The following SH3PXD2A variants were observed in gnomAD, a reference collection of about 807,000 sequenced individuals.
SH3PXD2A encodes SH3 and PX domain-containing protein 2A.
In SH3PXD2A, 32 loss-of-function variants were observed where a neutral mutation model predicts 115.2. That is an observed-to-expected ratio of 0.28 (90% CI 0.21 to 0.37). The LOEUF is 0.37. Among genes scored for constraint, SH3PXD2A ranks in the 10% least tolerant of loss-of-function variants. The pLI is 1.00. For missense variants in SH3PXD2A, 1,328 were observed against 1,498.7 expected, an observed-to-expected ratio of 0.89 and a Z score of 1.88; for synonymous variants, 610 against 629.1, an observed-to-expected ratio of 0.97 and a Z score of 0.45.
chr10:103,728,885 G>GTTTTTTTTTTTTT (rs1170237835), intron 4 of SH3PXD2A, among the ~76,000 whole-genome samples: 3 of 99,144 alleles, frequency 3.0e-5, no homozygotes, highest in Non-Finnish European at 4.1e-5. Flanking sequence ...TGTTTTTTTT[G>GTTTTTTTTTTTTT]TTTGTTTGTT....
rs141021087 is a variant in SH3PXD2A at position 103,612,932 on chromosome 10, G to A, written c.1179C>T (p.Gly393=). Residue 393 remains glycine, a synonymous_variant, in exon 12 of 15, where the codon GGC becomes GGT. Coordinates refer to ENST00000369774, the MANE Select transcript of SH3PXD2A (RefSeq NM_001394015.1). ...GCCTGGAGACAGTCCTGTCAGGAAC[G>A]CCCACGGCACTGCCATTGGAGGCAT... ...LCNASNGSAV[G]VPDRTVSRLA... is the part of the protein sequence containing the mutation. The A allele has an allele frequency of 2.2e-5, 36 of 1,613,746 alleles. No individual in the cohort carries two copies. In the East Asian group the frequency reaches 3.8e-4, roughly 17 times the overall value.
intron 5 of SH3PXD2A, among the ~76,000 whole-genome samples, chr10:103,694,880 G>A (rs2037806019): frequency 6.6e-6 from 1 of 152,194 alleles, no homozygotes; most frequent in Non-Finnish European, 1.5e-5. Flanking sequence ...GTCAGTCCAG[G>A]GAAGGCCTTA....
intron 1 of SH3PXD2A, among the ~76,000 whole-genome samples, chr10:103,810,815 C>T (rs913534288): frequency 9.3e-5 from 13 of 140,474 alleles, no homozygotes; most frequent in African/African-American, 2.5e-4. Context: ...CACAGGGACA[C>T]AGACATACAC....
chr10:103,612,778 CT>C (rs1003429014), intron 12 of SH3PXD2A, 74 bp downstream of exon 12: 7 of 1,074,944 alleles, frequency 6.5e-6, no homozygotes, highest in African/African-American at 4.8e-5. Context: ...GTGCACCCCC[CT>C]GGCTTTCACG....
At chr10:103,678,083 C>G in intron 6 of SH3PXD2A, 1 of 1,279,402 alleles carries the variant, frequency 7.8e-7, no homozygotes, top group South Asian at 1.2e-5. Context: ...AAAATTACCC[C>G]TAAGCAGTAC....
Position 103,855,360 on chromosome 10 carries a change from CGCCCGCCACCCCG to C in SH3PXD2A, c.-107_-95del, listed in dbSNP as rs1842931357. 2.1e-6 allele frequency: 2 copies of C among 940,378 alleles called. No homozygotes were observed. The highest frequency in any genetic ancestry group is 4.1e-5 in the South Asian group (2 of 48,718). The allele number at this position is 940,378 out of a possible 1,614,324, so 58.3% of individuals were successfully genotyped here. A position where few individuals can be genotyped will look rare whatever the true frequency, so the allele number is the denominator to read the frequency against. The stretch of plus-strand genomic sequence containing the variant: ...TCTCCAGCTGCCGGGGTCCCGGGGC[CGCCCGCCACCCCG>C]GCCCGGCGCGCCGAACGCTGCCCGG... On this transcript the variant is annotated 5_prime_UTR_variant, in exon 1 of 15. Coordinates refer to ENST00000369774, the MANE Select transcript of SH3PXD2A (RefSeq NM_001394015.1).
At chr10:103,701,807 C>T (rs933260550) in intron 5 of SH3PXD2A, among the ~76,000 whole-genome samples, 2 of 141,180 alleles carry the variant, frequency 1.4e-5, no homozygotes, top group African/African-American at 2.7e-5. Context: ...CTATCTTCAT[C>T]CAGTCATCCA....
In SH3PXD2A at chr10:103,605,976, C is replaced by G; in HGVS notation, c.1309-59G>C. The G allele has an allele frequency of 1.3e-6, 2 of 1,593,546 alleles. 1 individual carries two copies. Among genetic ancestry groups the G allele is most frequent in the South Asian group, 2.3e-5 (2 of 88,682 alleles). The stretch of plus-strand genomic sequence containing the variant: ...GCCTAAATCAGAAGAGTAACTTGGC[C>G]AAGGGTTGGTCCCCACTCAGTCCCC... On this transcript the variant is annotated intron_variant, in intron 13 of 14. Transcript: ENST00000369774.
At position 103,689,873 on chromosome 10, in the gene SH3PXD2A, C is replaced by T. The variant is rs564955252; in HGVS notation, c.427+3155G>A. 6.6e-5 allele frequency among the ~76,000 whole-genome samples: 10 copies of T among 152,288 alleles called. No homozygotes were observed. The East Asian group carries it at 1.7e-3, about 26-fold the overall frequency. Reference sequence around the variant, plus strand: ...CCAGAAAGTTCCTGAGAACTTTCTTCTTCTGTTGACTCCACCATCCCTAAG... The same window carrying T: ...CCAGAAAGTTCCTGAGAACTTTCTTTTTCTGTTGACTCCACCATCCCTAAG... On this transcript the variant is annotated intron_variant, in intron 6 of 14. Coordinates refer to ENST00000369774, the MANE Select transcript of SH3PXD2A (RefSeq NM_001394015.1).
Position 103,603,271 on chromosome 10 carries a change from C to T in SH3PXD2A, c.1947G>A (p.Ser649=), listed in dbSNP as rs779559714. ...SGDSDSPGSS[S]LSLTRKNSPK... ...GGGAGTTTTTCCTGGTCAGGGACAG[C>T]GAGGAGCTGCCTGGGGAGTCGCTGT... The change falls in exon 15 of 15, where the codon TCG becomes TCA. Residue 649 remains serine, a synonymous_variant. Coordinates refer to ENST00000369774, the MANE Select transcript of SH3PXD2A (RefSeq NM_001394015.1). The T allele has an allele frequency of 1.6e-5, 26 of 1,613,900 alleles. No individual in the cohort carries two copies. The highest frequency in any genetic ancestry group is 6.6e-5 in the South Asian group (6 of 91,068).
chr10:103,602,948 C>T lies in SH3PXD2A; in HGVS notation c.2270G>A (p.Arg757Gln), dbSNP rs140391413. 2.6e-5 allele frequency: 42 copies of T among 1,614,082 alleles called. No homozygotes were observed. The highest frequency in any genetic ancestry group is 6.6e-5 in the South Asian group (6 of 91,084). ...TSCPRAKPSVRPKPFLNRAES... is the reference protein window; with the variant it reads ...TSCPRAKPSVQPKPFLNRAES... ...TGCTCGGTTTAGGAATGGCTTGGGC[C>T]GGACCGATGGCTTGGCCCGGGGACA... Residue 757 changes from arginine (R) to glutamine (Q), a missense_variant, in exon 15 of 15, where the codon CGG (arginine) becomes CAG (glutamine). Around this residue, in one of 5 missense-constraint regions of SH3PXD2A, gnomAD observed 574 missense variants for 565.7 expected, o/e 1.01. Coordinates refer to ENST00000369774, the MANE Select transcript of SH3PXD2A (RefSeq NM_001394015.1).
intron 14 of SH3PXD2A, 131 bp downstream of exon 14, chr10:103,605,666 TG>T (rs1165431034): frequency 9.0e-7 from 1 of 1,114,384 alleles, no homozygotes; most frequent in Non-Finnish European, 1.3e-6. Flanking sequence ...CTCATCTTTG[TG>T]GGGCTCATTT....
chr10:103,726,885 C>T (rs1276368291), intron 4 of SH3PXD2A, among the ~76,000 whole-genome samples: 1 of 152,158 alleles, frequency 6.6e-6, no homozygotes, highest in Non-Finnish European at 1.5e-5. Context: ...CATGATGTAA[C>T]CCTCAGTCAT....
intron 1 of SH3PXD2A, among the ~76,000 whole-genome samples, chr10:103,830,254 GA>G (rs1266252677): frequency 2.0e-5 from 3 of 152,222 alleles, no homozygotes; most frequent in African/African-American, 7.2e-5. Flanking sequence ...ATTATAAAAA[GA>G]ACTTTCATTC....
At chr10:103,687,092 T>C (rs2037688229) in intron 6 of SH3PXD2A, among the ~76,000 whole-genome samples, 1 of 151,952 alleles carries the variant, frequency 6.6e-6, no homozygotes, top group South Asian at 2.1e-4. Context: ...CCGGATGACT[T>C]TAAGTAAGGG....
intron 3 of SH3PXD2A, among the ~76,000 whole-genome samples, chr10:103,747,581 C>A (rs1258481269): frequency 6.6e-6 from 1 of 152,114 alleles, no homozygotes; most frequent in African/African-American, 2.4e-5. Flanking sequence ...AATGGCCCAG[C>A]CAGATGAGGA....
At chr10:103,608,124 C>A (rs1303468886) in intron 13 of SH3PXD2A, among the ~76,000 whole-genome samples, 1 of 34,032 alleles carries the variant, frequency 2.9e-5, no homozygotes, top group African/African-American at 1.8e-4. Context: ...TCCCCCTCTG[C>A]GAGAAACACC....
Position 103,668,643 on chromosome 10 carries a change from G to A in SH3PXD2A, c.437C>T (p.Ser146Phe). ...CTTCTTGGGCGACTCAGCCCAGCTG[G>A]ACAGCCACACTTCCGAGTCCCCGAG... The part of the protein sequence containing the change: ...GSSKRKSVWL[S>F]SWAESPKKDV... Residue 146 changes from serine to phenylalanine, a missense_variant, in exon 7 of 15, where the codon TCC (serine) becomes TTC (phenylalanine). Coordinates refer to ENST00000369774, the MANE Select transcript of SH3PXD2A (RefSeq NM_001394015.1). The A allele has an allele frequency of 6.4e-7, 1 of 1,560,070 alleles. No individual in the cohort carries two copies. Among genetic ancestry groups the A allele is most frequent in the Non-Finnish European group, 8.7e-7 (1 of 1,151,846 alleles).
chr10:103,647,710 C>T (rs1592280757), intron 8 of SH3PXD2A, among the ~76,000 whole-genome samples: 3 of 152,322 alleles, frequency 2.0e-5, no homozygotes, highest in African/African-American at 7.2e-5. Flanking sequence ...TAACTATCCT[C>T]TCTCTCCTAC....
Sources: allele counts gnomAD v4.1 joint callset (sites outside exome capture counted in the v4.1 genomes callset), GRCh38; gene constraint gnomAD v4.1.1; regional missense constraint gnomAD v4.1.1; transcripts MANE v1.5; gene names NCBI Gene and HGNC (gene_info 2026-07-23, HGNC 2026-07-21).